ARHGEF33: variants seen among roughly 807,000 people sequenced by gnomAD.
The protein encoded by ARHGEF33 is DH and coiled-coil domain-containing protein ENSP00000381780.
ARHGEF33 carries 72 observed loss-of-function variants against 101.9 expected under a neutral mutation model. The ratio of observed to expected loss-of-function variants is 0.71; its 90% CI spans 0.58 to 0.86. ARHGEF33 has a LOEUF of 0.86. ARHGEF33 is among the 40% of genes least tolerant of loss of function. The probability of loss-of-function intolerance (pLI) is 0.00; values close to 1 mark genes in which losing one functional copy is unlikely to be tolerated. For missense variants in ARHGEF33, 1,169 were observed against 1,111.3 expected, an observed-to-expected ratio of 1.05 and a Z score of -0.74; for synonymous variants, 499 against 442.5, an observed-to-expected ratio of 1.13 and a Z score of -1.60.
chr2:38,921,479 A>G (rs900224485), intron 4 of ARHGEF33, 56 bp downstream of exon 4: 16 of 1,150,784 alleles, frequency 1.4e-5, no homozygotes, highest in Middle Eastern at 3.8e-4. Context: ...ATGACTGACT[A>G]TTCTTTATGT....
chr2:38,967,126 C>T (rs1668066554), intron 17 of ARHGEF33, among the ~76,000 whole-genome samples: 2 of 152,260 alleles, frequency 1.3e-5, no homozygotes, highest in African/African-American at 4.8e-5. Context: ...TCACCTTTTC[C>T]TTGAAGGTCG....
chr2:38,916,273 T>A (rs1666632558), intron 2 of ARHGEF33, among the ~76,000 whole-genome samples: 1 of 152,204 alleles, frequency 6.6e-6, no homozygotes, highest in South Asian at 2.1e-4. Context: ...CCCCAAATAG[T>A]AACAGAAATC....
Position 38,960,315 on chromosome 2 carries a change from G to A in ARHGEF33, c.2010G>A (p.Glu670=), listed in dbSNP as rs1007897515. The part of the protein sequence containing the change: ...VSFAMEAERP[E]HPLQPLPKSA... ...TCGCCATGGAGGCCGAGCGGCCGGAGCACCCGCTGCAGCCGCTGCCCAAGA... is the reference window on the plus strand; with the variant it reads ...TCGCCATGGAGGCCGAGCGGCCGGAACACCCGCTGCAGCCGCTGCCCAAGA... Residue 670 remains glutamate (E), a synonymous_variant, in exon 16 of 18, where the codon GAG becomes GAA. Coordinates refer to ENST00000409978, the MANE Select transcript of ARHGEF33 (RefSeq NM_001145451.5). 7.8e-6 allele frequency: 12 copies of A among 1,542,738 alleles called. No homozygotes were observed. Among genetic ancestry groups the A allele is most frequent in the Non-Finnish European group, 1.0e-5 (12 of 1,145,854 alleles).
Position 38,902,169 on chromosome 2 carries a change from G to C in ARHGEF33, c.-86+6320G>C, listed in dbSNP as rs1174625620. Among the ~76,000 whole-genome samples, 8 of 151,768 alleles carry C rather than the reference G, an allele frequency of 5.3e-5. No homozygotes were observed. In the Middle Eastern group the frequency reaches 0.01, roughly 194 times the overall value. On this transcript the variant is annotated intron_variant, in intron 2 of 17. Coordinates refer to ENST00000409978, the MANE Select transcript of ARHGEF33 (RefSeq NM_001145451.5). ...AAAAAAAAAGAAAAACAACTAGCAT[G>C]GTTCTTGGTGTTGCTTTCAACTGGC...
intron 9 of ARHGEF33, among the ~76,000 whole-genome samples, chr2:38,937,998 G>C (rs1042727675): frequency 1.3e-5 from 2 of 152,054 alleles, no homozygotes; most frequent in Non-Finnish European, 2.9e-5. Context: ...TACTGTGTCA[G>C]ACAATGGCAT....
chr2:38,897,699 G>C (rs943380263), intron 2 of ARHGEF33, among the ~76,000 whole-genome samples: 2 of 152,188 alleles, frequency 1.3e-5, no homozygotes, highest in African/African-American at 4.8e-5. Context: ...TAGTTTGATA[G>C]AAATACTATA....
At chr2:38,914,215 C>G (rs568609420) in intron 2 of ARHGEF33, among the ~76,000 whole-genome samples, 7 of 152,274 alleles carry the variant, frequency 4.6e-5, no homozygotes, top group Non-Finnish European at 7.4e-5. Flanking sequence ...GGAAACTCCA[C>G]ATAAATAAAA....
In ARHGEF33 at chr2:38,960,383, A is replaced by T. The variant is rs1281004625; in HGVS notation, c.2078A>T (p.Glu693Val). The T allele has an allele frequency of 4.6e-6, 7 of 1,512,976 alleles. No homozygotes were observed. The Admixed American group carries it at 1.5e-4, about 32-fold the overall frequency. 93.7% of individuals were successfully genotyped at this position (1,512,976 alleles called of 1,614,324 possible). A position where few individuals can be genotyped will look rare whatever the true frequency, so the allele number is the denominator to read the frequency against. The change falls in exon 16 of 18, where the codon GAG (glutamate) becomes GTG (valine). Residue 693 changes from glutamate (E) to valine (V), a missense_variant. Coordinates refer to ENST00000409978, the MANE Select transcript of ARHGEF33 (RefSeq NM_001145451.5). ...PAGSSSAYKL[E>V]AAAQAHGKAK... The stretch of plus-strand genomic sequence containing the variant: ...GGCAGCAGCAGCGCCTACAAACTGG[A>T]GGCGGCGGCGCAGGCGCACGGCAAG...
chr2:38,905,595 C>G (rs1160387741), intron 2 of ARHGEF33, among the ~76,000 whole-genome samples: 1 of 152,144 alleles, frequency 6.6e-6, no homozygotes, highest in Non-Finnish European at 1.5e-5. Context: ...GTCTAGTATT[C>G]TTCTATTCCC....
intron 12 of ARHGEF33, among the ~76,000 whole-genome samples, chr2:38,953,536 C>G (rs537849000): frequency 3.3e-5 from 5 of 152,320 alleles, no homozygotes; most frequent in Admixed American, 3.3e-4. Context: ...CTGCAGCTTA[C>G]ATGCTGTATG....
At chr2:38,921,267 G>C in intron 3 of ARHGEF33, 107 bp from the exon 4 acceptor site, 3 of 706,122 alleles carry the variant, frequency 4.2e-6, no homozygotes, top group Non-Finnish European at 7.6e-6. Context: ...CTTGTCGTGC[G>C]GGCACAAATG....
intron 2 of ARHGEF33, among the ~76,000 whole-genome samples, chr2:38,901,373 G>C (rs1666233345): frequency 6.6e-6 from 1 of 152,176 alleles, no homozygotes; most frequent in Non-Finnish European, 1.5e-5. Flanking sequence ...CCAAGCAGCT[G>C]GTTGCTGGTG....
chr2:38,950,970 G>C lies in ARHGEF33; in HGVS notation c.921-19G>C. The C allele has an allele frequency of 6.5e-7, 1 of 1,550,202 alleles. No homozygotes were observed. The highest frequency in any genetic ancestry group is 8.7e-7 in the Non-Finnish European group (1 of 1,146,426). ...CTCTACACCTTGTTTGTGTGATTCCGTCTCTATTCTGTTTCAAGCCTCTTC... is the reference window on the plus strand; with the variant it reads ...CTCTACACCTTGTTTGTGTGATTCCCTCTCTATTCTGTTTCAAGCCTCTTC... On this transcript the variant is annotated intron_variant, in intron 10 of 17. Transcript: ENST00000409978.
At chr2:38,968,383 A>AG (rs1668096882) in intron 17 of ARHGEF33, among the ~76,000 whole-genome samples, 1 of 152,178 alleles carries the variant, frequency 6.6e-6, no homozygotes, top group Admixed American at 6.5e-5. Flanking sequence ...ACTTTGTTGT[A>AG]GCTTGATCTG....
intron 11 of ARHGEF33, among the ~76,000 whole-genome samples, chr2:38,952,845 C>T (rs1667645731): frequency 6.6e-6 from 1 of 152,086 alleles, no homozygotes; most frequent in Non-Finnish European, 1.5e-5. Flanking sequence ...ATTAGCGGCA[C>T]CTGCCATCAT....
intron 2 of ARHGEF33, among the ~76,000 whole-genome samples, chr2:38,898,976 A>G (rs941293899): frequency 5.3e-5 from 8 of 152,280 alleles, no homozygotes; most frequent in African/African-American, 1.9e-4. Context: ...AAAATTTACA[A>G]TTTGGGTGAA....
intron 16 of ARHGEF33, among the ~76,000 whole-genome samples, chr2:38,963,576 A>G (rs1035702424): frequency 3.3e-5 from 5 of 152,186 alleles, no homozygotes; most frequent in Non-Finnish European, 7.3e-5. Flanking sequence ...ACAATTTTTG[A>G]GTAGGCTTTA....
Position 38,974,534 on chromosome 2 carries a change from G to A in ARHGEF33, c.*691G>A, listed in dbSNP as rs1668234953. On this transcript the variant is annotated 3_prime_UTR_variant, in exon 18 of 18. Transcript: ENST00000409978. ...GATTTCTGTAGAAACTGGGGAGAGAGGAAGGCAAAGAAACATTTTCCCTTG... is the reference window on the plus strand; with the variant it reads ...GATTTCTGTAGAAACTGGGGAGAGAAGAAGGCAAAGAAACATTTTCCCTTG... 1 of 152,214 alleles carries A rather than the reference G, an allele frequency of 6.6e-6. No homozygotes were observed. The highest frequency in any genetic ancestry group is 2.1e-4 in the South Asian group (1 of 4,828). The allele number at this position is 152,214 out of a possible 1,614,324, so 9.4% of individuals were successfully genotyped here.
At chr2:38,923,646 T>TTGAA (rs1020607520) in intron 4 of ARHGEF33, among the ~76,000 whole-genome samples, 1 of 152,138 alleles carries the variant, frequency 6.6e-6, no homozygotes, top group Non-Finnish European at 1.5e-5. Flanking sequence ...TAAATATGAG[T>TTGAA]TGAATGAATG....
Sources: gnomAD v4.1 joint callset for allele counts (sites outside exome capture counted in the v4.1 genomes callset) on GRCh38, gnomAD v4.1.1 for gene constraint, MANE v1.5 for transcripts, NCBI Gene and HGNC (gene_info 2026-07-23, HGNC 2026-07-21) for gene names.